The following ELOA variants were observed in gnomAD, a reference collection of about 807,000 sequenced individuals.
ELOA encodes the protein elongin-A.
A neutral mutation model predicts 85.2 loss-of-function variants in ELOA; 15 were observed. The observed-to-expected ratio is 0.18, with a 90% CI of 0.12 to 0.27. The LOEUF (loss-of-function observed/expected upper bound fraction) is 0.27, where lower values mean the gene tolerates loss of function less well. Ranked by LOEUF, ELOA falls within the 10% of genes least tolerant of loss-of-function variation. ELOA has a pLI of 1.00. For missense variants in ELOA, 769 were observed against 952.7 expected, an observed-to-expected ratio of 0.81 and a Z score of 2.54; for synonymous variants, 348 against 357.2, an observed-to-expected ratio of 0.97 and a Z score of 0.29.
intron 7 of ELOA, 32 bp downstream of exon 7, chr1:23,754,492 G>A: frequency 6.4e-7 from 1 of 1,569,360 alleles, no homozygotes; most frequent in Non-Finnish European, 8.8e-7. Flanking sequence ...GAAGAGGGCA[G>A]TTTTCTGGCT....
Position 23,761,038 on chromosome 1 carries a change from G to A in ELOA, c.*1465G>A, listed in dbSNP as rs1262892064. ...TCTCAAAGCCCAGGATACAGAGCCA[G>A]TGTTTTCTGTAACTGGAGACCTCAG... is the stretch of plus-strand genomic sequence containing the variant. On this transcript the variant is annotated 3_prime_UTR_variant, in exon 11 of 11. Transcript: ENST00000613537. 1 of 152,190 alleles carries A rather than the reference G, an allele frequency of 6.6e-6. No homozygotes were observed. The highest frequency in any genetic ancestry group is 1.5e-5 in the Non-Finnish European group (1 of 68,048). 9.4% of individuals were successfully genotyped at this position (152,190 alleles called of 1,614,324 possible).
Position 23,759,554 on chromosome 1 carries a change from A to C in ELOA, c.2300A>C (p.Asn767Thr), listed in dbSNP as rs1185830051. The C allele has an allele frequency of 6.2e-7, 1 of 1,614,220 alleles. No homozygotes were observed. Among genetic ancestry groups the C allele is most frequent in the South Asian group, 1.1e-5 (1 of 91,086 alleles). Residue 767 changes from asparagine (N) to threonine (T), a missense_variant, in exon 11 of 11, where the codon AAC becomes ACC. Around this residue, in one of 4 missense-constraint regions of ELOA, gnomAD observed 116 missense variants for 141.0 expected, o/e 0.82. Coordinates refer to ENST00000613537, the MANE Select transcript of ELOA (RefSeq NM_003198.3). The stretch of plus-strand genomic sequence containing the variant: ...GCCAAGACAATTAAAGCTTTCAAGA[A>C]CAGATTCTCCCGACGATAAACTGAG... ...MMAKTIKAFK[N>T]RFSRR
Position 23,751,165 on chromosome 1 carries a change from A to C in ELOA, c.560A>C (p.His187Pro), listed in dbSNP as rs1644768534. ...VQSPPSCTSP[H>P]QMYVDHYRSL... is the part of the protein sequence containing the mutation. Reference sequence around the variant, plus strand: ...TCCCCTCCATCTTGTACCAGTCCTCATCAGATGTACGTCGACCACTACAGA... The same window carrying C: ...TCCCCTCCATCTTGTACCAGTCCTCCTCAGATGTACGTCGACCACTACAGA... The change falls in exon 4 of 11, where the codon CAT becomes CCT. Residue 187 changes from histidine to proline, a missense_variant. His to Pro is a moderately conservative substitution (Grantham distance 77). Coordinates refer to ENST00000613537, the MANE Select transcript of ELOA (RefSeq NM_003198.3). 6.2e-7 allele frequency: 1 copy of C among 1,614,172 alleles called. No homozygotes were observed. Among genetic ancestry groups the C allele is most frequent in the Admixed American group, 1.7e-5 (1 of 60,024 alleles).
At chr1:23,757,426 T>G (rs879120353) in intron 10 of ELOA, among the ~76,000 whole-genome samples, 5 of 152,068 alleles carry the variant, frequency 3.3e-5, no homozygotes, top group African/African-American at 1.2e-4. Flanking sequence ...GACAACATAA[T>G]GAGACCCTCT....
chr1:23,755,739 C>G, intron 7 of ELOA, 104 bp from the exon 8 acceptor site: 1 of 1,175,314 alleles, frequency 8.5e-7, no homozygotes, highest in Non-Finnish European at 1.2e-6. Context: ...AAAATTGCAC[C>G]ACTGCACTGC....
intron 5 of ELOA, 150 bp downstream of exon 5, chr1:23,752,668 C>T (rs1203813068): frequency 2.7e-6 from 2 of 737,740 alleles, no homozygotes; most frequent in Non-Finnish European, 2.2e-6. Context: ...ACCAACCAGG[C>T]GTGGTGGCTC....
chr1:23,761,476 G>A lies in ELOA; in HGVS notation c.*1903G>A, dbSNP rs1170241045. The A allele has an allele frequency of 2.6e-5, 4 of 152,094 alleles. No homozygotes were observed. The highest frequency in any genetic ancestry group is 9.7e-5 in the African/African-American group (4 of 41,398). 9.4% of individuals were successfully genotyped at this position (152,094 alleles called of 1,614,324 possible). A position where few individuals can be genotyped will look rare whatever the true frequency, so the allele number is the denominator to read the frequency against. ...GTGTATGATTTAATGTCCCTTATTA[G>A]GAGTCTTTAGGCAGGGAGGGAAGAA... On this transcript the variant is annotated 3_prime_UTR_variant, in exon 11 of 11. Coordinates refer to ENST00000613537, the MANE Select transcript of ELOA (RefSeq NM_003198.3).
At position 23,749,829 on chromosome 1, in the gene ELOA, T is replaced by C. The variant is rs1644760936; in HGVS notation, c.133-13T>C. ...TTCCAGACCCCTCTAACAATTACTTTGTCAAATTTTAGGAGACTGGGGTTG... is the reference window on the plus strand; with the variant it reads ...TTCCAGACCCCTCTAACAATTACTTCGTCAAATTTTAGGAGACTGGGGTTG... On this transcript the variant is annotated splice_polypyrimidine_tract_variant and intron_variant, in intron 2 of 10. Transcript: ENST00000613537. 1 of 1,612,832 alleles carries C rather than the reference T, an allele frequency of 6.2e-7. No homozygotes were observed. The highest frequency in any genetic ancestry group is 8.5e-7 in the Non-Finnish European group (1 of 1,179,146).
intron 7 of ELOA, 148 bp downstream of exon 7, chr1:23,754,608 A>G: frequency 1.5e-6 from 1 of 664,894 alleles, no homozygotes; most frequent in South Asian, 1.9e-5. Flanking sequence ...CTGGGCCTTT[A>G]AACAAGCATG....
At chr1:23,753,432 T>C (rs1259183748) in intron 5 of ELOA, among the ~76,000 whole-genome samples, 1 of 152,212 alleles carries the variant, frequency 6.6e-6, no homozygotes, top group African/African-American at 2.4e-5. Context: ...TTGCTGCTGC[T>C]GTTATTAGCA....
At position 23,755,826 on chromosome 1, in the gene ELOA, C is replaced by T. The variant is rs764530394; in HGVS notation, c.1792-17C>T. The T allele has an allele frequency of 5.7e-6, 9 of 1,578,698 alleles. No homozygotes were observed. The highest frequency in any genetic ancestry group is 7.7e-6 in the Non-Finnish European group (9 of 1,165,280). ...AAAAGTGCTTGTACACAAATGATGT[C>T]CTGGTTCTGGTTTCAGGTATTAATT... On this transcript the variant is annotated splice_polypyrimidine_tract_variant and intron_variant, in intron 7 of 10. Coordinates refer to ENST00000613537, the MANE Select transcript of ELOA (RefSeq NM_003198.3).
At chr1:23,759,003 C>T (rs543725216) in intron 10 of ELOA, among the ~76,000 whole-genome samples, 7 of 152,060 alleles carry the variant, frequency 4.6e-5, no homozygotes, top group South Asian at 2.1e-4. Context: ...CCCAGGAGAT[C>T]GAGACCAGCC....
chr1:23,751,540 A>G lies in ELOA; in HGVS notation c.935A>G (p.Lys312Arg), dbSNP rs1471869512. The stretch of plus-strand genomic sequence containing the variant: ...AGAGAGGGCAGCAGCCTGAAGAAGA[A>G]GTGTTTGCCTCCCTCAGAGGCCGCT... ...KDREGSSLKK[K>R]CLPPSEAASD... Residue 312 changes from lysine (K) to arginine (R), a missense_variant, in exon 4 of 11, where the codon AAG becomes AGG. Physicochemically the swap from Lys to Arg is conservative, Grantham distance 26. Transcript: ENST00000613537. 6.2e-7 allele frequency: 1 copy of G among 1,614,148 alleles called. No homozygotes were observed. The highest frequency in any genetic ancestry group is 1.1e-5 in the South Asian group (1 of 91,084).
At chr1:23,744,397 T>C (rs1057057196) in intron 1 of ELOA, 4 of 152,198 alleles carry the variant, frequency 2.6e-5, no homozygotes, top group African/African-American at 9.6e-5. Context: ...TTTTCATCTT[T>C]CTGTCACTCA....
In ELOA at chr1:23,743,539, G is replaced by A. The variant is rs1644732343; in HGVS notation, c.36G>A (p.Lys12=). The change falls in exon 1 of 11, where the codon AAG becomes AAA. Residue 12 remains lysine (K), a synonymous_variant. Coordinates refer to ENST00000613537, the MANE Select transcript of ELOA (RefSeq NM_003198.3). ...AAESALQVVE[K]LQARLAANPD... The stretch of plus-strand genomic sequence containing the variant: ...AGTCGGCGCTCCAAGTTGTGGAGAA[G>A]CTGCAGGCGCGCCTGGCCGCGAACC... 6.0e-6 allele frequency: 9 copies of A among 1,498,134 alleles called. No homozygotes were observed. Among genetic ancestry groups the A allele is most frequent in the Non-Finnish European group, 7.1e-6 (8 of 1,128,864 alleles). 92.8% of individuals were successfully genotyped at this position (1,498,134 alleles called of 1,614,324 possible).
In ELOA at chr1:23,751,146, C is replaced by A; in HGVS notation, c.541C>A (p.Pro181Thr). The A allele has an allele frequency of 3.1e-6, 5 of 1,614,158 alleles. No individual in the cohort carries two copies. Among genetic ancestry groups the A allele is most frequent in the South Asian group, 2.2e-5 (2 of 91,082 alleles). Residue 181 changes from proline to threonine, a missense_variant, in exon 4 of 11, where the codon CCA becomes ACA. Physicochemically the swap from Pro to Thr is conservative, Grantham distance 38 (BLOSUM62 -1). Around this residue, in one of 4 missense-constraint regions of ELOA, gnomAD observed 440 missense variants for 474.0 expected, o/e 0.93. Transcript: ENST00000613537. Reference sequence around the variant, plus strand: ...TGATTATGGCCATGTTCAATCCCCTCCATCTTGTACCAGTCCTCATCAGAT... The same window carrying A: ...TGATTATGGCCATGTTCAATCCCCTACATCTTGTACCAGTCCTCATCAGAT... ...SSDYGHVQSPPSCTSPHQMYV... is the reference protein window; with the variant it reads ...SSDYGHVQSPTSCTSPHQMYV...
At chr1:23,746,434 C>T (rs1414446886) in intron 1 of ELOA, among the ~76,000 whole-genome samples, 1 of 151,252 alleles carries the variant, frequency 6.6e-6, no homozygotes. Context: ...ATGATGAAAC[C>T]CCATCTCTAC....
intron 8 of ELOA, 69 bp from the exon 9 acceptor site, chr1:23,756,205 C>A: frequency 6.8e-7 from 1 of 1,472,428 alleles, no homozygotes; most frequent in Non-Finnish European, 9.1e-7. Context: ...TCAAAAAGCC[C>A]GTGGATTATT....
intron 7 of ELOA, among the ~76,000 whole-genome samples, 189 bp from the exon 8 acceptor site, chr1:23,755,654 C>T (rs950751738): frequency 2.0e-5 from 3 of 151,996 alleles, no homozygotes; most frequent in Admixed American, 1.3e-4. Context: ...GTGGTAAGCA[C>T]CTGTAGTCCT....
Sources: gnomAD v4.1 joint callset for allele counts (sites outside exome capture counted in the v4.1 genomes callset) on GRCh38, gnomAD v4.1.1 for gene constraint, gnomAD v4.1.1 regional missense constraint, MANE v1.5 for transcripts, NCBI Gene and HGNC (gene_info 2026-07-23, HGNC 2026-07-21) for gene names.